Variants in ADAMTS9 observed in about 807,000 individuals in gnomAD.
ADAMTS9 encodes the protein ADAM metallopeptidase with thrombospondin type 1 motif 9.
A neutral mutation model predicts 257.1 loss-of-function variants in ADAMTS9; 107 were observed. The observed-to-expected ratio is 0.42, with a 90% CI of 0.36 to 0.49. The LOEUF is 0.49. ADAMTS9 is among the 20% of genes least tolerant of loss of function. The pLI, the probability that ADAMTS9 is intolerant of heterozygous loss-of-function variation, is 0.03. For missense variants in ADAMTS9, 2,353 were observed against 2,469.1 expected (o/e 0.95, Z 1.00); for synonymous variants, 982 against 880.9 (o/e 1.11, Z -2.03).
At chr3:64,604,874 G>C (rs1175642692) in intron 23 of ADAMTS9, among the ~76,000 whole-genome samples, 1 of 152,164 alleles carries the variant, frequency 6.6e-6, no homozygotes, top group African/African-American at 2.4e-5. Flanking sequence ...TCATGCAGAC[G>C]AAGTCCCTGT....
intron 4 of ADAMTS9, among the ~76,000 whole-genome samples, chr3:64,656,565 G>T (rs989472990): frequency 6.6e-6 from 1 of 152,194 alleles, no homozygotes; most frequent in African/African-American, 2.4e-5. Context: ...ACACTGGTGA[G>T]TAGAAGAGCC....
intron 38 of ADAMTS9, among the ~76,000 whole-genome samples, chr3:64,532,366 T>A (rs1031901388): frequency 1.3e-5 from 2 of 152,250 alleles, no homozygotes; most frequent in East Asian, 3.8e-4. Context: ...ATATTTTGTG[T>A]AATTGATTGA....
intron 28 of ADAMTS9, among the ~76,000 whole-genome samples, chr3:64,585,979 G>C (rs1431403963): frequency 6.6e-6 from 1 of 152,042 alleles, no homozygotes. Context: ...CTACATTGTA[G>C]ACATACCCTT....
Position 64,686,308 on chromosome 3 carries a change from G to C in ADAMTS9, c.516+260C>G, listed in dbSNP as rs1043422585. Among the ~76,000 whole-genome samples the C allele has an allele frequency of 1.2e-4, 18 of 152,258 alleles. No individual in the cohort carries two copies. The highest frequency in any genetic ancestry group is 2.5e-4 in the Non-Finnish European group (17 of 68,050). On this transcript the variant is annotated intron_variant, in intron 2 of 39. Transcript: ENST00000498707. The surrounding 1 kb of genome is among the most constrained non-coding windows in gnomAD (Gnocchi z 4.6). ...AGGCCGCCTCGCAGCGTTGGGCAAC[G>C]CGCCGCTGAACCGAGTCCAAACTCC...
At chr3:64,555,161 T>C (rs1011469127) in intron 30 of ADAMTS9, among the ~76,000 whole-genome samples, 4 of 152,190 alleles carry the variant, frequency 2.6e-5, no homozygotes, top group African/African-American at 9.7e-5. Context: ...TCCTGGGTTT[T>C]TATGTCATGA....
chr3:64,667,812 A>G (rs542009552), intron 3 of ADAMTS9, among the ~76,000 whole-genome samples: 36 of 152,172 alleles, frequency 2.4e-4, no homozygotes, highest in Non-Finnish European at 4.6e-4. Context: ...GATTAACTTG[A>G]TTATTCCTCA....
intron 32 of ADAMTS9, among the ~76,000 whole-genome samples, chr3:64,544,138 T>C (rs1409783237): frequency 1.3e-5 from 2 of 152,092 alleles, no homozygotes; most frequent in Non-Finnish European, 2.9e-5. Context: ...TGGAAGAACA[T>C]TCCATGCTCA....
chr3:64,617,382 G>A (rs1029568064), intron 19 of ADAMTS9, among the ~76,000 whole-genome samples: 1 of 152,104 alleles, frequency 6.6e-6, no homozygotes, highest in Admixed American at 6.6e-5. Context: ...TGGCTCAAGT[G>A]CCCCTGACAG....
At chr3:64,633,165 G>C (rs1260748785) in intron 14 of ADAMTS9, among the ~76,000 whole-genome samples, 2 of 152,192 alleles carry the variant, frequency 1.3e-5, no homozygotes, top group Non-Finnish European at 2.9e-5. Context: ...CTTAAGCACT[G>C]AGTTTATAGC....
rs201175131 is a variant in ADAMTS9, at chr3:64,545,579, TG to T, written c.5064+1178del. Among the ~76,000 whole-genome samples, 1,001 of 151,596 alleles carry T rather than the reference TG, an allele frequency of 6.6e-3. 6 individuals are homozygous for T. The highest frequency in any genetic ancestry group is 0.02 in the Middle Eastern group (6 of 294). On this transcript the variant is annotated intron_variant, in intron 32 of 39. Coordinates refer to ENST00000498707, the MANE Select transcript of ADAMTS9 (RefSeq NM_182920.2). ...ACAATGAGAACACTTGGACACAGGG[TG>T]GGGAACATCACATACCGGGGCCTGT...
chr3:64,619,955 T>C (rs1386750595), intron 19 of ADAMTS9, among the ~76,000 whole-genome samples: 1 of 152,180 alleles, frequency 6.6e-6, no homozygotes, highest in Non-Finnish European at 1.5e-5. Context: ...TGGGTTTATA[T>C]GGACACTATC....
intron 3 of ADAMTS9, among the ~76,000 whole-genome samples, chr3:64,673,464 G>A (rs1701540381): frequency 1.3e-5 from 2 of 152,164 alleles, no homozygotes; most frequent in African/African-American, 2.4e-5. Flanking sequence ...GGGGCTATAT[G>A]CAGCAAATCT....
chr3:64,615,186 G>A, intron 21 of ADAMTS9, 135 bp downstream of exon 21: 1 of 1,065,858 alleles, frequency 9.4e-7, no homozygotes, highest in Non-Finnish European at 1.4e-6. Flanking sequence ...AACTGGAGTT[G>A]TTTTCTCAAG....
intron 29 of ADAMTS9, among the ~76,000 whole-genome samples, chr3:64,564,456 G>T (rs551358119): frequency 6.6e-6 from 1 of 152,212 alleles, no homozygotes; most frequent in East Asian, 1.9e-4. Context: ...GCAGCGATTA[G>T]TTTGAAAAAC....
At chr3:64,546,700 T>C (rs1000535265) in intron 32 of ADAMTS9, 58 bp downstream of exon 32, 1 of 1,513,592 alleles carries the variant, frequency 6.6e-7, no homozygotes. Context: ...CAGGACATGT[T>C]TAAGACGGGG....
At chr3:64,644,538 A>C (rs1247687591) in intron 11 of ADAMTS9, among the ~76,000 whole-genome samples, 2 of 152,188 alleles carry the variant, frequency 1.3e-5, no homozygotes, top group African/African-American at 2.4e-5. Flanking sequence ...TATATTTTCC[A>C]AAGTTTCCCT....
At position 64,631,437 on chromosome 3, in the gene ADAMTS9, T is replaced by C; in HGVS notation, c.2389+18A>G. 1 of 1,602,848 alleles carries C rather than the reference T, an allele frequency of 6.2e-7. No individual in the cohort carries two copies. Among genetic ancestry groups the C allele is most frequent in the South Asian group, 1.1e-5 (1 of 90,808 alleles). ...CCATAGAACCAGAACTCGCAAGTAG[T>C]GAGGCATCCCATCTCACCTAAGTAG... is the stretch of plus-strand genomic sequence containing the variant. On this transcript the variant is annotated intron_variant, in intron 16 of 39. Coordinates refer to ENST00000498707, the MANE Select transcript of ADAMTS9 (RefSeq NM_182920.2).
intron 37 of ADAMTS9, among the ~76,000 whole-genome samples, chr3:64,537,394 A>G (rs532007735): frequency 6.6e-6 from 1 of 152,378 alleles, no homozygotes; most frequent in African/African-American, 2.4e-5. Flanking sequence ...TGCAACAGAT[A>G]CCAATGGGGT....
At chr3:64,548,848 T>C (rs2083235204) in intron 31 of ADAMTS9, among the ~76,000 whole-genome samples, 4 of 152,252 alleles carry the variant, frequency 2.6e-5, no homozygotes, top group Admixed American at 2.6e-4. Flanking sequence ...CGTATTACTT[T>C]TCTAAATTGA....
Sources: gnomAD v4.1 joint callset for allele counts (sites outside exome capture counted in the v4.1 genomes callset) on GRCh38, gnomAD v4.1.1 for gene constraint, Gnocchi (gnomAD v3.1) non-coding constraint, MANE v1.5 for transcripts, NCBI Gene and HGNC (gene_info 2026-07-23, HGNC 2026-07-21) for gene names.